The following COL16A1 variants were observed in gnomAD, a reference collection of about 807,000 sequenced individuals.
The protein encoded by COL16A1 is collagen alpha-1(XVI) chain.
Under a neutral mutation model 266.3 loss-of-function variants are expected in COL16A1, and 189 were observed. The ratio of observed to expected loss-of-function variants is 0.71; its 90% confidence interval spans 0.63 to 0.80. The LOEUF (loss-of-function observed/expected upper bound fraction) is 0.80. Among genes scored for constraint, COL16A1 ranks in the 30% least tolerant of loss-of-function variants. The pLI is 0.00. For synonymous variants in COL16A1, 740 were observed against 782.3 expected, an observed-to-expected ratio of 0.95 and a Z score of 0.90; for missense variants, 1,928 against 2,122.4, an observed-to-expected ratio of 0.91 and a Z score of 1.80.
At position 31,672,723 on chromosome 1, in the gene COL16A1, C is replaced by A; in HGVS notation, c.2976+1G>T. ...GGGCAGCCCCAAGCCCAGTCCCTTACCTGGGCGCAGTTGTCGAGGCCTGGC... is the reference window on the plus strand; with the variant it reads ...GGGCAGCCCCAAGCCCAGTCCCTTAACTGGGCGCAGTTGTCGAGGCCTGGC... On this transcript the variant is annotated splice_donor_variant, in intron 45 of 70. Transcript: ENST00000373672. LOFTEE classifies it high-confidence loss of function. 6.2e-7 allele frequency: 1 copy of A among 1,613,776 alleles called. No homozygotes were observed. Among genetic ancestry groups the A allele is most frequent in the Non-Finnish European group, 8.5e-7 (1 of 1,179,792 alleles).
At position 31,654,777 on chromosome 1, in the gene COL16A1, C is replaced by A. The variant is rs1179603843; in HGVS notation, c.4357+15G>T. ...GCAGACAGCACCCACTGCCACCCAG[C>A]TGGCTGCCAGTTACCATCAAACATT... On this transcript the variant is annotated intron_variant, in intron 68 of 70. Coordinates refer to ENST00000373672, the MANE Select transcript of COL16A1 (RefSeq NM_001856.4). 6.2e-7 allele frequency: 1 copy of A among 1,613,846 alleles called. No homozygotes were observed. The highest frequency in any genetic ancestry group is 8.5e-7 in the Non-Finnish European group (1 of 1,180,004).
In COL16A1 at chr1:31,688,933, G is replaced by C; in HGVS notation, c.1695C>G (p.Ala565=). The part of the protein sequence containing the change: ...PCLSCSSVVG[A]QHLVSSTGAS... ...CCCCTGTGGAGGACACAAGATGCTG[G>C]GCCCCTACAACCGAGCTGCAGGACA... The change falls in exon 25 of 71, where the codon GCC becomes GCG. Residue 565 remains alanine (A), a synonymous_variant. Coordinates refer to ENST00000373672, the MANE Select transcript of COL16A1 (RefSeq NM_001856.4). The surrounding 1 kb of genome is among the most constrained non-coding windows in gnomAD (Gnocchi z 4.9). 6.2e-7 allele frequency: 1 copy of C among 1,614,144 alleles called. No homozygotes were observed.
At chr1:31,665,834 C>T in intron 54 of COL16A1, 48 bp downstream of exon 54, 1 of 1,613,378 alleles carries the variant, frequency 6.2e-7, no homozygotes, top group South Asian at 1.1e-5. Context: ...CACCAGGGAC[C>T]CAGCTCCTTC....
Position 31,663,951 on chromosome 1 carries a change from T to A in COL16A1, c.3555+1221A>T, listed in dbSNP as rs1641904382. Among the ~76,000 whole-genome samples the A allele has an allele frequency of 6.6e-6, 1 of 151,904 alleles. No individual in the cohort carries two copies. Among genetic ancestry groups the A allele is most frequent in the Admixed American group, 6.6e-5 (1 of 15,262 alleles). On this transcript the variant is annotated intron_variant, in intron 56 of 70. Transcript: ENST00000373672. This position sits in a 1 kb window ranked among gnomAD's most constrained non-coding sequence, Gnocchi z 4.9. ...GCTGTAGGGTGGTCAAGGGAAGGAA[T>A]CCCGCTAGAGAGACCCAGCAAAGGG...
chr1:31,696,829 G>T (rs1322260887), intron 8 of COL16A1, 134 bp downstream of exon 8: 3 of 1,437,200 alleles, frequency 2.1e-6, no homozygotes, highest in Non-Finnish European at 2.8e-6. Context: ...CGTACAAATA[G>T]GGAGGGCTTC....
At chr1:31,654,175 G>T in intron 68 of COL16A1, 132 bp from the exon 69 acceptor site, 1 of 1,349,156 alleles carries the variant, frequency 7.4e-7, no homozygotes, top group South Asian at 1.5e-5. Context: ...TCAGGGCAAG[G>T]AGTATGGGGG....
chr1:31,660,635 C>G lies in COL16A1; in HGVS notation c.3829G>C (p.Glu1277Gln), dbSNP rs1330572727. 2 of 1,614,160 alleles carry G rather than the reference C, an allele frequency of 1.2e-6. No individual in the cohort carries two copies. The highest frequency in any genetic ancestry group is 1.3e-5 in the African/African-American group (1 of 75,060). Residue 1277 changes from glutamate (E) to glutamine (Q), a missense_variant, in exon 62 of 71, where the codon GAA becomes CAA. Physicochemically the swap from Glu to Gln is conservative, Grantham distance 29. Around this residue, in one of 2 missense-constraint regions of COL16A1, gnomAD observed 376 missense variants for 485.2 expected, o/e 0.77. Coordinates refer to ENST00000373672, the MANE Select transcript of COL16A1 (RefSeq NM_001856.4). ...CCCTGGGGTCCCATGGCACCAGGTT[C>G]ACCCTGCAGGAGCCAGAAAAAGGAA... ...GSTGRPGAEG[E>Q]PGAMGPQGRP...
rs1389048481 is a variant in COL16A1, at chr1:31,656,087, C to A, written c.4101+313G>T. The A allele has an allele frequency of 2.3e-6, 1 of 442,648 alleles. No individual in the cohort carries two copies. The highest frequency in any genetic ancestry group is 4.1e-6 in the Non-Finnish European group (1 of 245,438). The allele number at this position is 442,648 out of a possible 1,614,324, so 27.4% of individuals were successfully genotyped here. On this transcript the variant is annotated intron_variant, in intron 66 of 70. Coordinates refer to ENST00000373672, the MANE Select transcript of COL16A1 (RefSeq NM_001856.4). The surrounding 1 kb of genome is among the most constrained non-coding windows in gnomAD (Gnocchi z 4.2). ...ATTGTGAGCACCTATTGTTCAGGGA[C>A]CTCTGTTTACCTGAGGCCAGGACAA... is the stretch of plus-strand genomic sequence containing the variant.
At chr1:31,683,637 G>A (rs1056554007) in intron 34 of COL16A1, 70 bp downstream of exon 34, 4 of 1,612,544 alleles carry the variant, frequency 2.5e-6, no homozygotes, top group Admixed American at 1.7e-5. Context: ...AAGTTTGGGA[G>A]TGGATGGAAG....
At chr1:31,692,530 A>T in intron 15 of COL16A1, 21 bp from the exon 16 acceptor site, 1 of 1,614,008 alleles carries the variant, frequency 6.2e-7, no homozygotes, top group Non-Finnish European at 8.5e-7. Flanking sequence ...GAAGGGAGAC[A>T]GAGGAAGGGA....
At position 31,670,286 on chromosome 1, in the gene COL16A1, G is replaced by A. The variant is rs1266377754; in HGVS notation, c.3195+316C>T. On this transcript the variant is annotated intron_variant, in intron 49 of 70. Transcript: ENST00000373672. This position sits in a 1 kb window ranked among gnomAD's most constrained non-coding sequence, Gnocchi z 4.5. ...GCACCAGCTTAAGAGGAAGGTTCAC[G>A]AGCTCAGGAGGACTTGGGGGAGTGC... 9 of 333,106 alleles carry A rather than the reference G, an allele frequency of 2.7e-5. No individual in the cohort carries two copies. The highest frequency in any genetic ancestry group is 3.8e-5 in the Non-Finnish European group (7 of 185,150). 20.6% of individuals were successfully genotyped at this position (333,106 alleles called of 1,614,324 possible).
Position 31,686,140 on chromosome 1 carries a change from A to T in COL16A1, c.1840-5T>A, listed in dbSNP as rs578155988. 4 of 1,614,042 alleles carry T rather than the reference A, an allele frequency of 2.5e-6. No individual in the cohort carries two copies. The South Asian group carries it at 4.4e-5, about 18-fold the overall frequency. ...CCCCACTGGTCCTGGTGGCCCCTGCATGTTAAGACGCTACAGGTAATGCCC... is the reference window on the plus strand; with the variant it reads ...CCCCACTGGTCCTGGTGGCCCCTGCTTGTTAAGACGCTACAGGTAATGCCC... On this transcript the variant is annotated splice_polypyrimidine_tract_variant and splice_region_variant and intron_variant, in intron 27 of 70. Transcript: ENST00000373672.
rs1180626727 is a variant in COL16A1 at position 31,695,755 on chromosome 1, G to T, written c.945+6C>A. 2 of 1,613,472 alleles carry T rather than the reference G, an allele frequency of 1.2e-6. No homozygotes were observed. Among genetic ancestry groups the T allele is most frequent in the African/African-American group, 1.3e-5 (1 of 74,868 alleles). On this transcript the variant is annotated splice_donor_region_variant and intron_variant, in intron 10 of 70. Coordinates refer to ENST00000373672, the MANE Select transcript of COL16A1 (RefSeq NM_001856.4). ...TCCCCTGCTGCCAGTCCACTGGGAG[G>T]CTTACCTCATCGGCTGCTGTCTCCT...
At chr1:31,681,596 G>C (rs116887810) in intron 37 of COL16A1, among the ~76,000 whole-genome samples, 1 of 152,382 alleles carries the variant, frequency 6.6e-6, no homozygotes, top group Non-Finnish European at 1.5e-5. Flanking sequence ...CGAGTGTGGG[G>C]CTGAGGAAGG....
In COL16A1 at chr1:31,699,830, G is replaced by C. The variant is rs779896856; in HGVS notation, c.249C>G (p.Pro83=). The C allele has an allele frequency of 6.2e-7, 1 of 1,609,482 alleles. No homozygotes were observed. The highest frequency in any genetic ancestry group is 1.3e-5 in the African/African-American group (1 of 74,856). Residue 83 remains proline, a synonymous_variant, in exon 4 of 71, where the codon CCC becomes CCG. Coordinates refer to ENST00000373672, the MANE Select transcript of COL16A1 (RefSeq NM_001856.4). ...GCATTTACCGCGTGGGCTGGGTCACGGGGGCCGCCCCCAGGCGCAGGATGA... is the reference window on the plus strand; with the variant it reads ...GCATTTACCGCGTGGGCTGGGTCACCGGGGCCGCCCCCAGGCGCAGGATGA... ...GPLILRLGAA[P]VTQPTRRVFP...
At position 31,653,688 on chromosome 1, in the gene COL16A1, G is replaced by T. The variant is rs576156115; in HGVS notation, c.4535-12C>A. ...GGTACCAGGCAATCCTGGAACAAAA[G>T]AAATAAATAAGTCCTATCCCTGAGC... On this transcript the variant is annotated splice_polypyrimidine_tract_variant and intron_variant, in intron 69 of 70. Transcript: ENST00000373672. The T allele has an allele frequency of 1.5e-5, 24 of 1,611,042 alleles. No individual in the cohort carries two copies. In the East Asian group the frequency reaches 3.6e-4, roughly 24 times the overall value.
At position 31,680,089 on chromosome 1, in the gene COL16A1, C is replaced by T. The variant is rs1391424326; in HGVS notation, c.2623G>A (p.Glu875Lys). 6.2e-7 allele frequency: 1 copy of T among 1,613,532 alleles called. No homozygotes were observed. Among genetic ancestry groups the T allele is most frequent in the South Asian group, 1.1e-5 (1 of 90,996 alleles). ...GPRGEKGEPG[E>K]CSCPSQGDLI... ...TCTCCTTGAGAGGGGCAGGAGCACT[C>T]CCCTGGCTCACCCTGAAAATACAAG... Residue 875 changes from glutamate (E) to lysine (K), a missense_variant, in exon 40 of 71, where the codon GAG becomes AAG. Glu to Lys is a moderately conservative substitution (Grantham distance 56). Around this residue, in one of 2 missense-constraint regions of COL16A1, gnomAD observed 1,552 missense variants for 1,637.2 expected, o/e 0.95. Coordinates refer to ENST00000373672, the MANE Select transcript of COL16A1 (RefSeq NM_001856.4).
chr1:31,702,201 C>G lies in COL16A1; in HGVS notation c.-8G>C. The G allele has an allele frequency of 6.2e-7, 1 of 1,614,034 alleles. No individual in the cohort carries two copies. Among genetic ancestry groups the G allele is most frequent in the Non-Finnish European group, 8.5e-7 (1 of 1,179,946 alleles). On this transcript the variant is annotated 5_prime_UTR_variant, in exon 2 of 71. Coordinates refer to ENST00000373672, the MANE Select transcript of COL16A1 (RefSeq NM_001856.4). ...AGCCCAGGATACCCACATCCCGGTC[C>G]AAAGAGGTCAGCTACAGCCACAGCA...
chr1:31,660,664 A>G (rs570948887), intron 61 of COL16A1, 26 bp from the exon 62 acceptor site: 1 of 1,613,882 alleles, frequency 6.2e-7, no homozygotes, highest in Admixed American at 1.7e-5. Context: ...AAAGGAAAAA[A>G]TGACACTGAA....
Sources: allele counts gnomAD v4.1 joint callset (sites outside exome capture counted in the v4.1 genomes callset), GRCh38; gene constraint gnomAD v4.1.1; regional missense constraint gnomAD v4.1.1; non-coding constraint Gnocchi (gnomAD v3.1); transcripts MANE v1.5; gene names NCBI Gene and HGNC (gene_info 2026-07-23, HGNC 2026-07-21).